The following VSTM4 variants were observed in gnomAD, a reference collection of about 807,000 sequenced individuals.
VSTM4 encodes the protein V-set and transmembrane domain containing 4, also known as V-set and transmembrane domain-containing protein 4.
In VSTM4, 20 loss-of-function variants were observed where a neutral mutation model predicts 36.4. The observed-to-expected ratio is 0.55, with a 90% CI of 0.39 to 0.80. The LOEUF is 0.80. Among genes scored for constraint, VSTM4 ranks in the 30% least tolerant of loss-of-function variants. VSTM4 has a pLI of 0.00. For missense variants in VSTM4, 392 were observed against 404.5 expected (o/e 0.97, Z 0.26); for synonymous variants, 182 against 173.9 (o/e 1.05, Z -0.37).
chr10:49,037,368 T>C (rs895749832), intron 7 of VSTM4, among the ~76,000 whole-genome samples: 25 of 152,212 alleles, frequency 1.6e-4, no homozygotes, highest in African/African-American at 5.5e-4. Flanking sequence ...CTTCAGTAGG[T>C]CTGAGTCAGG....
rs2131922259 is a variant in VSTM4, at chr10:49,016,661, A to G, written c.*2989T>C. ...TAAAAATATATTTTCTAAATGCCCC[A>G]TGTTGTCTTCACTCTCACAAGAGTC... On this transcript the variant is annotated 3_prime_UTR_variant, in exon 8 of 8. Coordinates refer to ENST00000332853, the MANE Select transcript of VSTM4 (RefSeq NM_001031746.5). 6.6e-6 allele frequency: 1 copy of G among 152,328 alleles called. No homozygotes were observed. The highest frequency in any genetic ancestry group is 1.5e-5 in the Non-Finnish European group (1 of 68,022). 9.4% of individuals were successfully genotyped at this position (152,328 alleles called of 1,614,324 possible).
In VSTM4 at chr10:49,038,043, A is replaced by T. The variant is rs551519825; in HGVS notation, c.837+8940T>A. 2.6e-4 allele frequency among the ~76,000 whole-genome samples: 39 copies of T among 152,322 alleles called. 1 individual carries two copies. The South Asian group carries it at 8.1e-3, about 32-fold the overall frequency. On this transcript the variant is annotated intron_variant, in intron 7 of 7. Coordinates refer to ENST00000332853, the MANE Select transcript of VSTM4 (RefSeq NM_001031746.5). The stretch of plus-strand genomic sequence containing the variant: ...AAATGGTGCAGCTGATTTGGAAAAC[A>T]GTGTAGCAGTTTCTCAAAAAACTAA...
chr10:49,022,074 T>C (rs1259021412), intron 7 of VSTM4, among the ~76,000 whole-genome samples: 1 of 152,172 alleles, frequency 6.6e-6, no homozygotes, highest in Non-Finnish European at 1.5e-5. Context: ...CTGTGTACAT[T>C]TGTTGTTACC....
At chr10:49,022,222 A>G (rs1227922614) in intron 7 of VSTM4, among the ~76,000 whole-genome samples, 1 of 151,950 alleles carries the variant, frequency 6.6e-6, no homozygotes, top group African/African-American at 2.4e-5. Flanking sequence ...TCATTTAAGC[A>G]CCTCTGCTCT....
At chr10:49,053,525 GCTAT>G (rs1843730493) in intron 5 of VSTM4, among the ~76,000 whole-genome samples, 1 of 152,186 alleles carries the variant, frequency 6.6e-6, no homozygotes, top group African/African-American at 2.4e-5. Context: ...GTGTATGTTG[GCTAT>G]CTCTCTTGCA....
chr10:49,022,672 C>T (rs919996026), intron 7 of VSTM4, among the ~76,000 whole-genome samples: 1 of 152,114 alleles, frequency 6.6e-6, no homozygotes, highest in African/African-American at 2.4e-5. Context: ...TTTACATTCT[C>T]GCTTTTCAGT....
chr10:49,046,932 G>C, intron 7 of VSTM4, 51 bp downstream of exon 7: 2 of 1,561,284 alleles, frequency 1.3e-6, no homozygotes, highest in Non-Finnish European at 1.8e-6. Flanking sequence ...TGGAATCTGA[G>C]TTGTGTCTGA....
chr10:49,064,817 G>T, intron 4 of VSTM4, 81 bp from the exon 5 acceptor site: 1 of 1,478,952 alleles, frequency 6.8e-7, no homozygotes, highest in Non-Finnish European at 9.3e-7. Context: ...AGGAAATGCC[G>T]GGAGCCAGGT....
At chr10:49,068,252 A>G (rs4481947) in intron 4 of VSTM4, among the ~76,000 whole-genome samples, 59,995 of 151,552 alleles carry the variant, frequency 0.4, 13,464 homozygotes, top group African/African-American at 0.62. Context: ...GCCACAGCTG[A>G]AGCCAAGCAG....
In VSTM4 at chr10:49,096,811, T is replaced by G. The variant is rs567680236; in HGVS notation, c.457+10783A>C. Among the ~76,000 whole-genome samples the G allele has an allele frequency of 2.6e-5, 4 of 152,198 alleles. No homozygotes were observed. In the East Asian group the frequency reaches 7.7e-4, roughly 29 times the overall value. On this transcript the variant is annotated intron_variant, in intron 2 of 7. Coordinates refer to ENST00000332853, the MANE Select transcript of VSTM4 (RefSeq NM_001031746.5). ...CTGGGATTACAGTCTCCCGCCACCA[T>G]GCCCGGCTAATTTTTATATTTTTAG... is the stretch of plus-strand genomic sequence containing the variant.
chr10:49,079,118 C>A (rs1308382593), intron 3 of VSTM4, among the ~76,000 whole-genome samples: 1 of 152,194 alleles, frequency 6.6e-6, no homozygotes, highest in African/African-American at 2.4e-5. Flanking sequence ...AGGCATGAGC[C>A]ACTGTGCCTG....
chr10:49,109,219 C>T (rs978030957), intron 1 of VSTM4, among the ~76,000 whole-genome samples: 3 of 152,130 alleles, frequency 2.0e-5, no homozygotes, highest in Admixed American at 2.0e-4. Context: ...GGGCTTGGGC[C>T]CCAGATGTCA....
At chr10:49,035,875 CTG>C (rs1448993062) in intron 7 of VSTM4, among the ~76,000 whole-genome samples, 1 of 152,036 alleles carries the variant, frequency 6.6e-6, no homozygotes, top group Non-Finnish European at 1.5e-5. Context: ...TTGAAAGTAA[CTG>C]TGTCACTTAG....
intron 2 of VSTM4, chr10:49,102,369 C>A: frequency 1.0e-6 from 1 of 975,810 alleles, no homozygotes; most frequent in Non-Finnish European, 1.2e-6. Flanking sequence ...CTCTTGACTT[C>A]GTGATCCACC....
intron 5 of VSTM4, among the ~76,000 whole-genome samples, chr10:49,055,206 G>A (rs1843758456): frequency 1.3e-5 from 2 of 152,140 alleles, no homozygotes; most frequent in Admixed American, 1.3e-4. Flanking sequence ...ATCCTTCCAG[G>A]CCCCCTGAGC....
chr10:49,035,146 C>T (rs1031174705), intron 7 of VSTM4, among the ~76,000 whole-genome samples: 3 of 152,272 alleles, frequency 2.0e-5, no homozygotes, highest in Admixed American at 1.3e-4. Flanking sequence ...CATGGGCTGG[C>T]CTGCTGGATG....
At chr10:49,081,320 C>T (rs1844274118) in intron 3 of VSTM4, among the ~76,000 whole-genome samples, 1 of 152,202 alleles carries the variant, frequency 6.6e-6, no homozygotes, top group Non-Finnish European at 1.5e-5. Context: ...ATGTGGTCCC[C>T]AGACCAAAAG....
chr10:49,061,503 A>G (rs972906007), intron 5 of VSTM4, among the ~76,000 whole-genome samples: 1 of 152,174 alleles, frequency 6.6e-6, no homozygotes, highest in Non-Finnish European at 1.5e-5. Flanking sequence ...AACCAAAACT[A>G]TAGATTTAGC....
In VSTM4 at chr10:49,103,741, A is replaced by G. The variant is rs140083765; in HGVS notation, c.457+3853T>C. ...TGAAAGACAAGCAATTTTATCTCAC[A>G]TCAAGAACTCTGCAGGAAGGAGGCC... On this transcript the variant is annotated intron_variant, in intron 2 of 7. Coordinates refer to ENST00000332853, the MANE Select transcript of VSTM4 (RefSeq NM_001031746.5). 3.1e-4 allele frequency: 500 copies of G among 1,613,538 alleles called. 1 individual carries two copies. Among genetic ancestry groups the G allele is most frequent in the Non-Finnish European group, 4.2e-4 (490 of 1,179,774 alleles).
Sources: gnomAD v4.1 joint callset for allele counts (sites outside exome capture counted in the v4.1 genomes callset) on GRCh38, gnomAD v4.1.1 for gene constraint, MANE v1.5 for transcripts, NCBI Gene and HGNC (gene_info 2026-07-23, HGNC 2026-07-21) for gene names.